Variants in DEPTOR observed in about 807,000 individuals in gnomAD.
The protein encoded by DEPTOR is DEP domain-containing mTOR-interacting protein.
Under a neutral mutation model 41.6 loss-of-function variants are expected in DEPTOR, and 41 were observed. The observed-to-expected ratio is 0.98, with a 90% CI of 0.77 to 1.28. The LOEUF is 1.28. Among genes scored for constraint, DEPTOR ranks in the 50% most tolerant of loss-of-function variants. The pLI, the probability that DEPTOR is intolerant of heterozygous loss-of-function variation, is 0.00. For missense variants in DEPTOR, 514 were observed against 527.9 expected (o/e 0.97, Z 0.26); for synonymous variants, 195 against 192.3 (o/e 1.01, Z -0.12).
intron 4 of DEPTOR, among the ~76,000 whole-genome samples, chr8:119,970,660 T>A (rs547564331): frequency 6.6e-6 from 1 of 152,330 alleles, no homozygotes; most frequent in Admixed American, 6.5e-5. Context: ...CAGAGACCTA[T>A]GAACATCCAC....
chr8:120,048,989 C>A (rs1407542857), intron 8 of DEPTOR, among the ~76,000 whole-genome samples: 1 of 152,054 alleles, frequency 6.6e-6, no homozygotes, highest in African/African-American at 2.4e-5. Flanking sequence ...TTTGTTGTAT[C>A]TAAGTAATAA....
intron 3 of DEPTOR, among the ~76,000 whole-genome samples, chr8:119,961,012 T>C (rs1828483292): frequency 6.6e-6 from 1 of 151,904 alleles, no homozygotes; most frequent in African/African-American, 2.4e-5. Context: ...GAAAAGTGGC[T>C]TGCCTTACAT....
chr8:119,918,480 A>T (rs1175730086), intron 1 of DEPTOR, among the ~76,000 whole-genome samples: 2 of 149,970 alleles, frequency 1.3e-5, no homozygotes, highest in East Asian at 3.9e-4. Flanking sequence ...ATTTATTTAG[A>T]GACAGATTTC....
rs943113524 is a variant in DEPTOR at position 120,048,046 on chromosome 8, A to G, written c.1102-1530A>G. On this transcript the variant is annotated intron_variant, in intron 8 of 8. Coordinates refer to ENST00000286234, the MANE Select transcript of DEPTOR (RefSeq NM_022783.4). ...AGACTCCATGTCAAAAAAAAAAAAAAGTAAATGGTGAAATGTGATCCCTGA... is the reference window on the plus strand; with the variant it reads ...AGACTCCATGTCAAAAAAAAAAAAAGGTAAATGGTGAAATGTGATCCCTGA... Among the ~76,000 whole-genome samples the G allele has an allele frequency of 4.7e-5, 7 of 147,936 alleles. No individual in the cohort carries two copies. In the East Asian group the frequency reaches 1.2e-3, roughly 26 times the overall value.
chr8:119,900,415 G>T (rs111496587), intron 1 of DEPTOR, among the ~76,000 whole-genome samples: 1,062 of 57,384 alleles, frequency 0.019, 27 homozygotes, highest in African/African-American at 0.099. Context: ...GGGAGACAGG[G>T]TCTCACACTT....
chr8:119,979,909 T>G (rs1828741386), intron 4 of DEPTOR, among the ~76,000 whole-genome samples: 2 of 151,920 alleles, frequency 1.3e-5, no homozygotes, highest in Admixed American at 6.6e-5. Context: ...ATAAGGGAAA[T>G]GGGATGGGGG....
intron 8 of DEPTOR, among the ~76,000 whole-genome samples, chr8:120,048,743 G>C (rs540134216): frequency 6.6e-6 from 1 of 152,170 alleles, no homozygotes; most frequent in South Asian, 2.1e-4. Context: ...TGTAGTGCTT[G>C]GTGTTTGCAA....
chr8:119,946,338 T>C (rs1375262211), intron 3 of DEPTOR, among the ~76,000 whole-genome samples: 1 of 152,174 alleles, frequency 6.6e-6, no homozygotes, highest in Non-Finnish European at 1.5e-5. Context: ...TATTGAAATG[T>C]AATCTCCATA....
chr8:119,980,228 ATAT>A (rs1828745165), intron 4 of DEPTOR, among the ~76,000 whole-genome samples: 1 of 152,110 alleles, frequency 6.6e-6, no homozygotes, highest in Middle Eastern at 3.2e-3. Flanking sequence ...CATCTCCAAA[ATAT>A]TATCATTTAA....
chr8:119,926,476 A>T (rs1353201237), intron 1 of DEPTOR, among the ~76,000 whole-genome samples: 1 of 152,258 alleles, frequency 6.6e-6, no homozygotes, highest in Non-Finnish European at 1.5e-5. Flanking sequence ...GTGCCCTCTA[A>T]AATTTGAATT....
At chr8:119,874,115 G>A (rs1017696967) in intron 1 of DEPTOR, 147 bp downstream of exon 1, 43 of 1,349,520 alleles carry the variant, frequency 3.2e-5, no homozygotes, top group Non-Finnish European at 4.1e-5. Context: ...GGTCCTCGGT[G>A]CGCCCGCGCT....
At chr8:119,887,404 T>C (rs1466205365) in intron 1 of DEPTOR, among the ~76,000 whole-genome samples, 3 of 610 alleles carry the variant, frequency 4.9e-3, no homozygotes, top group African/African-American at 0.013. Flanking sequence ...CCTCCCCCTA[T>C]CCCCATCCCC....
At chr8:119,987,985 A>G (rs1425672025) in intron 4 of DEPTOR, among the ~76,000 whole-genome samples, 1 of 152,008 alleles carries the variant, frequency 6.6e-6, no homozygotes, top group Admixed American at 6.6e-5. Context: ...GAGCTAGACC[A>G]CTTGTCTCCC....
intron 4 of DEPTOR, among the ~76,000 whole-genome samples, chr8:119,968,162 GCTAT>G (rs149790888): frequency 4.1e-4 from 62 of 152,218 alleles, no homozygotes; most frequent in African/African-American, 1.4e-3. Flanking sequence ...TAGAAGATGT[GCTAT>G]CTATTTCATT....
intron 8 of DEPTOR, among the ~76,000 whole-genome samples, chr8:120,046,467 C>G (rs1813154744): frequency 6.6e-6 from 1 of 151,780 alleles, no homozygotes; most frequent in Admixed American, 6.6e-5. Context: ...ATGGTCTATT[C>G]TGACTGGCAT....
chr8:119,880,492 A>C (rs1215481968), intron 1 of DEPTOR, among the ~76,000 whole-genome samples: 1 of 152,174 alleles, frequency 6.6e-6, no homozygotes, highest in Non-Finnish European at 1.5e-5. Flanking sequence ...ACTGTTCCCA[A>C]CTAGTGACTT....
At chr8:119,965,528 T>A in intron 4 of DEPTOR, 118 bp downstream of exon 4, 1 of 1,289,894 alleles carries the variant, frequency 7.8e-7, no homozygotes, top group Non-Finnish European at 1.0e-6. Flanking sequence ...GCACCTCTGC[T>A]TATGTTCAGC....
At chr8:119,884,418 G>T (rs189958229) in intron 1 of DEPTOR, among the ~76,000 whole-genome samples, 49 of 152,294 alleles carry the variant, frequency 3.2e-4, no homozygotes, top group African/African-American at 1.1e-3. Context: ...AATTCTGGAG[G>T]AATACTATGC....
intron 6 of DEPTOR, among the ~76,000 whole-genome samples, chr8:120,004,706 C>T (rs934633808): frequency 6.6e-5 from 10 of 152,162 alleles, no homozygotes; most frequent in Middle Eastern, 3.4e-3. Context: ...CGTTTCCTTT[C>T]GTGGGTCCCC....
Sources: allele counts gnomAD v4.1 joint callset (sites outside exome capture counted in the v4.1 genomes callset), GRCh38; gene constraint gnomAD v4.1.1; transcripts MANE v1.5; gene names NCBI Gene and HGNC (gene_info 2026-07-23, HGNC 2026-07-21).